Variants in XPR1 observed in about 807,000 individuals in gnomAD.
The protein encoded by XPR1 is xenotropic and polytropic retrovirus receptor 1.
In XPR1, 28 loss-of-function variants were observed where a neutral mutation model predicts 87.5. The ratio of observed to expected loss-of-function variants is 0.32; its 90% confidence interval spans 0.24 to 0.44. The LOEUF is 0.44. Among genes scored for constraint, XPR1 ranks in the 20% least tolerant of loss-of-function variants. The pLI, the probability that XPR1 is intolerant of heterozygous loss-of-function variation, is 1.00. For missense variants in XPR1, 559 were observed against 862.3 expected (o/e 0.65, Z 4.41); for synonymous variants, 300 against 306.1 (o/e 0.98, Z 0.21).
At chr1:180,783,102 T>G (rs1485099981) in intron 2 of XPR1, among the ~76,000 whole-genome samples, 1 of 152,026 alleles carries the variant, frequency 6.6e-6, no homozygotes, top group Non-Finnish European at 1.5e-5. Flanking sequence ...TTAATCATTC[T>G]ATATACTGGT....
At chr1:180,766,417 A>G (rs993166431) in intron 2 of XPR1, among the ~76,000 whole-genome samples, 20 of 152,184 alleles carry the variant, frequency 1.3e-4, no homozygotes, top group African/African-American at 4.8e-4. Context: ...ATAAACATGC[A>G]GTAGACATTA....
chr1:180,825,495 C>G (rs1386047386), intron 9 of XPR1, 151 bp downstream of exon 9: 3 of 725,374 alleles, frequency 4.1e-6, no homozygotes, highest in Non-Finnish European at 6.0e-6. Flanking sequence ...AAAAAGTACT[C>G]ACGTATATTT....
intron 2 of XPR1, among the ~76,000 whole-genome samples, chr1:180,704,814 G>GTTTTT (rs567903048): frequency 0.19 from 10,064 of 51,780 alleles, 1,572 homozygotes; most frequent in Non-Finnish European, 0.25. Flanking sequence ...ACTGTTGGTT[G>GTTTTT]TTTTTTTTTT....
At chr1:180,738,213 C>T (rs889452557) in intron 2 of XPR1, among the ~76,000 whole-genome samples, 4 of 151,948 alleles carry the variant, frequency 2.6e-5, no homozygotes, top group Non-Finnish European at 5.9e-5. Flanking sequence ...AGTTTGGCCA[C>T]GTTGGCCAGG....
chr1:180,656,638 A>ATT (rs1557941860), intron 1 of XPR1, among the ~76,000 whole-genome samples: 2 of 100,556 alleles, frequency 2.0e-5, no homozygotes, highest in African/African-American at 9.2e-5. Flanking sequence ...TGTATGTATA[A>ATT]TATATTATTA....
chr1:180,686,003 C>G (rs576511383), intron 2 of XPR1, among the ~76,000 whole-genome samples: 5 of 152,098 alleles, frequency 3.3e-5, no homozygotes, highest in African/African-American at 1.2e-4. Flanking sequence ...CTGCTCTGAT[C>G]TTAGTTATTT....
intron 2 of XPR1, among the ~76,000 whole-genome samples, chr1:180,705,429 A>G (rs6681878): frequency 2.0e-5 from 3 of 152,132 alleles, no homozygotes; most frequent in East Asian, 1.9e-4. Context: ...TGAGATGCCT[A>G]TATTTACTCT....
chr1:180,812,956 A>G (rs1650273975), intron 7 of XPR1, among the ~76,000 whole-genome samples: 1 of 151,238 alleles, frequency 6.6e-6, no homozygotes, highest in African/African-American at 2.4e-5. Context: ...GCCAGCAGCC[A>G]TTTCTTGTTT....
intron 11 of XPR1, among the ~76,000 whole-genome samples, chr1:180,838,829 A>C (rs1371638141): frequency 6.6e-6 from 1 of 152,224 alleles, no homozygotes; most frequent in Non-Finnish European, 1.5e-5. Flanking sequence ...TGTCTGCTAC[A>C]TAAACATGTA....
At chr1:180,763,306 A>G (rs1032062403) in intron 2 of XPR1, among the ~76,000 whole-genome samples, 2 of 152,218 alleles carry the variant, frequency 1.3e-5, no homozygotes, top group African/African-American at 4.8e-5. Context: ...CACAGTGACT[A>G]AAGACACAGT....
intron 2 of XPR1, among the ~76,000 whole-genome samples, chr1:180,714,349 TTCTCTCTCTCTCTCTCTCTC>T (rs71121047): frequency 5.0e-4 from 36 of 72,146 alleles, no homozygotes; most frequent in African/African-American, 8.8e-4. Context: ...TTTTTCCCTG[TTCTCTCTCTCTCTCTCTCTC>T]TCTCTCTCTC....
rs116404583 is a variant in XPR1 at position 180,752,997 on chromosome 1, A to G, written c.122-34756A>G. On this transcript the variant is annotated intron_variant, in intron 2 of 14. Transcript: ENST00000367590. Reference sequence around the variant, plus strand: ...GTTAAAAGTTGCTCTTAATGATTTAAAAAATAAGAGCAGAAGATCGTTTAG... The same window carrying G: ...GTTAAAAGTTGCTCTTAATGATTTAGAAAATAAGAGCAGAAGATCGTTTAG... 6.6e-3 allele frequency among the ~76,000 whole-genome samples: 1,007 copies of G among 152,302 alleles called. 5 individuals are homozygous for G. The highest frequency in any genetic ancestry group is 9.3e-3 in the Non-Finnish European group (634 of 68,006).
At position 180,885,113 on chromosome 1, in the gene XPR1, TCTGA is replaced by T. The variant is rs1652972329; in HGVS notation, c.*1048_*1051del. The T allele has an allele frequency of 6.6e-6, 1 of 152,628 alleles. No homozygotes were observed. The highest frequency in any genetic ancestry group is 1.5e-5 in the Non-Finnish European group (1 of 68,034). The allele number at this position is 152,628 out of a possible 1,614,324, so 9.5% of individuals were successfully genotyped here. A position where few individuals can be genotyped will look rare whatever the true frequency, so the allele number is the denominator to read the frequency against. ...TCCCTGTAGCGTGACCTTTACTAGCTCTGAATCAGAAGACAGAGCTATTTCAGAG... is the reference window on the plus strand; with the variant it reads ...TCCCTGTAGCGTGACCTTTACTAGCTATCAGAAGACAGAGCTATTTCAGAG... On this transcript the variant is annotated 3_prime_UTR_variant, in exon 15 of 15. Coordinates refer to ENST00000367590, the MANE Select transcript of XPR1 (RefSeq NM_004736.4).
At chr1:180,845,902 G>A (rs1397387860) in intron 11 of XPR1, among the ~76,000 whole-genome samples, 1 of 152,224 alleles carries the variant, frequency 6.6e-6, no homozygotes, top group Non-Finnish European at 1.5e-5. Flanking sequence ...GTTGTTTCAA[G>A]TGATGGCAGA....
intron 7 of XPR1, among the ~76,000 whole-genome samples, chr1:180,815,934 G>A (rs1219277835): frequency 1.3e-5 from 2 of 152,012 alleles, no homozygotes; most frequent in South Asian, 4.1e-4. Context: ...ACTTGTACAT[G>A]GTTGCAAAGA....
intron 2 of XPR1, among the ~76,000 whole-genome samples, chr1:180,753,394 A>C (rs1326961526): frequency 6.6e-6 from 1 of 151,992 alleles, no homozygotes. Flanking sequence ...GTAAAACCCC[A>C]TCTCGACAAA....
intron 1 of XPR1, among the ~76,000 whole-genome samples, chr1:180,675,827 C>A (rs1656351526): frequency 6.6e-6 from 1 of 152,120 alleles, no homozygotes; most frequent in African/African-American, 2.4e-5. Context: ...ATAGACAATA[C>A]TTCAGAGGGT....
chr1:180,725,129 G>C (rs919111080), intron 2 of XPR1, among the ~76,000 whole-genome samples: 3 of 152,122 alleles, frequency 2.0e-5, no homozygotes, highest in African/African-American at 7.2e-5. Flanking sequence ...CAATACTGAG[G>C]CTTCCCTTTC....
intron 1 of XPR1, among the ~76,000 whole-genome samples, chr1:180,638,175 C>T (rs1376495960): frequency 2.0e-5 from 3 of 151,842 alleles, no homozygotes; most frequent in Admixed American, 6.6e-5. Flanking sequence ...TATTTTTGTA[C>T]TGTTCATAAA....
Sources: allele counts gnomAD v4.1 joint callset (sites outside exome capture counted in the v4.1 genomes callset), GRCh38; gene constraint gnomAD v4.1.1; transcripts MANE v1.5; gene names NCBI Gene and HGNC (gene_info 2026-07-23, HGNC 2026-07-21).